BRD7: variants seen among roughly 807,000 people sequenced by gnomAD.
The protein encoded by BRD7 is bromodomain-containing protein 7.
In BRD7, 15 loss-of-function variants were observed where a neutral mutation model predicts 82.1. That is an observed-to-expected ratio of 0.18 (90% confidence interval 0.12 to 0.28). BRD7 has a LOEUF of 0.28. Ranked by LOEUF, BRD7 falls within the 10% of genes least tolerant of loss-of-function variation. The pLI is 1.00. For missense variants in BRD7, 638 were observed against 779.9 expected (o/e 0.82, Z 2.17); for synonymous variants, 232 against 266.9 (o/e 0.87, Z 1.27).
chr16:50,319,674 T>C (rs930335306), intron 16 of BRD7, among the ~76,000 whole-genome samples: 1 of 152,110 alleles, frequency 6.6e-6, no homozygotes, highest in Non-Finnish European at 1.5e-5. Flanking sequence ...TTCTATGAAG[T>C]ATATAAGTAG....
rs1243101685 is a variant in BRD7, at chr16:50,320,855, G to A, written c.1501-81C>T. 7 of 903,548 alleles carry A rather than the reference G, an allele frequency of 7.7e-6. No homozygotes were observed. The African/African-American group carries it at 9.9e-5, about 13-fold the overall frequency. 56.0% of individuals were successfully genotyped at this position (903,548 alleles called of 1,614,324 possible). A position where few individuals can be genotyped will look rare whatever the true frequency, so the allele number is the denominator to read the frequency against. On this transcript the variant is annotated intron_variant, in intron 13 of 16. Transcript: ENST00000394688. ...TAACTAGAAATTACTCAGATGGCATGTATTTACAGGCAAAGTTATTCTACC... is the reference window on the plus strand; with the variant it reads ...TAACTAGAAATTACTCAGATGGCATATATTTACAGGCAAAGTTATTCTACC...
At position 50,318,392 on chromosome 16, in the gene BRD7, T is replaced by C. The variant is rs2036917746; in HGVS notation, c.*819A>G. The C allele has an allele frequency of 7.3e-6, 1 of 137,554 alleles. No individual in the cohort carries two copies. The allele number at this position is 137,554 out of a possible 1,614,324, so 8.5% of individuals were successfully genotyped here. ...GGGCCTTCAAACTTAATTTGTTCAC[T>C]GAACAAGGCTATCTATCTATCTATC... On this transcript the variant is annotated 3_prime_UTR_variant, in exon 17 of 17. Transcript: ENST00000394688.
At chr16:50,340,856 C>T (rs542459391) in intron 5 of BRD7, among the ~76,000 whole-genome samples, 1 of 152,058 alleles carries the variant, frequency 6.6e-6, no homozygotes, top group Non-Finnish European at 1.5e-5. Flanking sequence ...TATAAATGTG[C>T]GATTCATTAT....
intron 2 of BRD7, among the ~76,000 whole-genome samples, chr16:50,357,494 T>A (rs996396705): frequency 3.3e-5 from 5 of 152,184 alleles, no homozygotes; most frequent in Non-Finnish European, 7.3e-5. Context: ...CTGGTATGGA[T>A]CTTGGTAGGC....
At chr16:50,354,698 A>T (rs1239710008) in intron 3 of BRD7, 95 bp downstream of exon 3, 1 of 1,469,344 alleles carries the variant, frequency 6.8e-7, no homozygotes, top group African/African-American at 1.4e-5. Flanking sequence ...TTCAATCACA[A>T]AGCTCCAACT....
rs553023926 is a variant in BRD7, at chr16:50,368,397, G to C, written c.50-99C>G. 1,038 of 1,330,064 alleles carry C rather than the reference G, an allele frequency of 7.8e-4. 12 individuals are homozygous for C. The highest frequency in any genetic ancestry group is 1.6e-4 in the Non-Finnish European group (152 of 977,898). 82.4% of individuals were successfully genotyped at this position (1,330,064 alleles called of 1,614,324 possible). ...CAGAGCGCCAAGGCGCAGCAAGCCC[G>C]AGGCGGCTTTGGGCGCTCCGCGAAG... On this transcript the variant is annotated intron_variant, in intron 1 of 16. Transcript: ENST00000394688.
At chr16:50,345,364 C>T (rs543082752) in intron 5 of BRD7, among the ~76,000 whole-genome samples, 14 of 151,816 alleles carry the variant, frequency 9.2e-5, no homozygotes, top group African/African-American at 2.9e-4. Context: ...CATCAACTAA[C>T]GAGCAAAATA....
At chr16:50,341,376 C>T (rs780323626) in intron 5 of BRD7, among the ~76,000 whole-genome samples, 4 of 152,100 alleles carry the variant, frequency 2.6e-5, no homozygotes, top group Non-Finnish European at 4.4e-5. Context: ...CATAGTGGCT[C>T]ACCCTTATAA....
intron 8 of BRD7, among the ~76,000 whole-genome samples, chr16:50,329,566 T>TC (rs1462978897): frequency 6.6e-6 from 1 of 152,150 alleles, no homozygotes; most frequent in Non-Finnish European, 1.5e-5. Flanking sequence ...ACTTCCTCGT[T>TC]GAGTGGTATG....
At chr16:50,333,862 G>A (rs1272268349) in intron 7 of BRD7, among the ~76,000 whole-genome samples, 165 bp from the exon 8 acceptor site, 1 of 152,128 alleles carries the variant, frequency 6.6e-6, no homozygotes, top group Non-Finnish European at 1.5e-5. Flanking sequence ...TCTAATTTAA[G>A]AACAGAAACA....
chr16:50,320,191 A>G, intron 15 of BRD7, 57 bp downstream of exon 15: 1 of 1,569,022 alleles, frequency 6.4e-7, no homozygotes, highest in Non-Finnish European at 8.6e-7. Context: ...ACTGTACTCA[A>G]GAAGTTTTTT....
At chr16:50,354,993 A>T in intron 2 of BRD7, 71 bp from the exon 3 acceptor site, 1 of 1,502,266 alleles carries the variant, frequency 6.7e-7, no homozygotes, top group Admixed American at 2.1e-5. Context: ...AAATCATTTT[A>T]AGGGGTAAAA....
Position 50,368,318 on chromosome 16 carries a change from AGAAAG to A in BRD7, c.50-25_50-21del, listed in dbSNP as rs763792805. The A allele has an allele frequency of 6.2e-7, 1 of 1,606,178 alleles. No individual in the cohort carries two copies. The highest frequency in any genetic ancestry group is 1.7e-5 in the Admixed American group (1 of 58,940). On this transcript the variant is annotated intron_variant, in intron 1 of 16. Transcript: ENST00000394688. The stretch of plus-strand genomic sequence containing the variant: ...CATACTCTTAAAAAAAGAAAAGAAA[AGAAAG>A]GAAAGCGCGTCGATTAAAATCGGGG...
chr16:50,363,156 A>T (rs2038994432), intron 2 of BRD7, among the ~76,000 whole-genome samples: 1 of 152,212 alleles, frequency 6.6e-6, no homozygotes, highest in Non-Finnish European at 1.5e-5. Context: ...ATACTTCTGT[A>T]ATTTTTATAA....
intron 2 of BRD7, among the ~76,000 whole-genome samples, chr16:50,362,119 A>T (rs2038957292): frequency 6.6e-6 from 1 of 152,154 alleles, no homozygotes; most frequent in Non-Finnish European, 1.5e-5. Flanking sequence ...GTGTTACATC[A>T]CTGTATTTTG....
intron 5 of BRD7, among the ~76,000 whole-genome samples, chr16:50,346,154 T>G (rs1477414442): frequency 6.6e-6 from 1 of 152,186 alleles, no homozygotes; most frequent in Non-Finnish European, 1.5e-5. Flanking sequence ...CTGAACAACC[T>G]GCTCCTGAAT....
At chr16:50,324,305 T>A (rs1395542816) in intron 11 of BRD7, among the ~76,000 whole-genome samples, 1 of 152,082 alleles carries the variant, frequency 6.6e-6, no homozygotes, top group Non-Finnish European at 1.5e-5. Context: ...GAACCTCACC[T>A]GCTACTCCCC....
chr16:50,324,515 A>G (rs1401171832), intron 11 of BRD7, among the ~76,000 whole-genome samples: 1 of 152,198 alleles, frequency 6.6e-6, no homozygotes, highest in Non-Finnish European at 1.5e-5. Flanking sequence ...CTCCCTGGCC[A>G]TGTGCCTGCA....
At chr16:50,319,769 G>GCTCAAGTCC in intron 16 of BRD7, 118 bp downstream of exon 16, 6 of 1,293,986 alleles carry the variant, frequency 4.6e-6, no homozygotes, top group Non-Finnish European at 5.3e-6. Context: ...TACAGATTTT[G>GCTCAAGTCC]CTATCTTTGT....
Sources: gnomAD v4.1 joint callset for allele counts (sites outside exome capture counted in the v4.1 genomes callset) on GRCh38, gnomAD v4.1.1 for gene constraint, MANE v1.5 for transcripts, NCBI Gene and HGNC (gene_info 2026-07-23, HGNC 2026-07-21) for gene names.